Variants in ENTPD3 observed in about 807,000 individuals in gnomAD.
The protein encoded by ENTPD3 is ectonucleoside triphosphate diphosphohydrolase 3, also known as CD39 antigen-like 3.
A neutral mutation model predicts 51.2 loss-of-function variants in ENTPD3; 60 were observed. That is an observed-to-expected ratio of 1.17 (90% CI 0.95 to 1.45). The LOEUF (loss-of-function observed/expected upper bound fraction) is 1.45, where lower values mean the gene tolerates loss of function less well. Among genes scored for constraint, ENTPD3 ranks in the 40% most tolerant of loss-of-function variants. The pLI is 0.00. For synonymous variants in ENTPD3, 221 were observed against 238.4 expected (o/e 0.93, Z 0.67); for missense variants, 593 against 641.1 (o/e 0.93, Z 0.81).
At chr3:40,421,256 T>G (rs1955866386) in intron 7 of ENTPD3, among the ~76,000 whole-genome samples, 1 of 152,030 alleles carries the variant, frequency 6.6e-6, no homozygotes, top group Non-Finnish European at 1.5e-5. Flanking sequence ...ACTCCTGACC[T>G]CAAATGATCT....
Position 40,423,049 on chromosome 3 carries a change from T to G in ENTPD3, c.1031T>G (p.Phe344Cys), listed in dbSNP as rs1169645256. The G allele has an allele frequency of 4.3e-6, 7 of 1,614,146 alleles. No individual in the cohort carries two copies. Among genetic ancestry groups the G allele is most frequent in the Admixed American group, 3.3e-5 (2 of 60,014 alleles). The change falls in exon 8 of 11, where the codon TTC becomes TGC. Residue 344 changes from phenylalanine (F) to cysteine (C), a missense_variant. By Grantham distance (205) the Phe-to-Cys change is radical (BLOSUM62 -2). Transcript: ENST00000301825. ...GAGAAGGTGGCTTCCATATTTGACT[T>G]CAAAGCTTGCCATGATCAAGAAACC... ...CKEKVASIFDFKACHDQETCS... is the reference protein window; with the variant it reads ...CKEKVASIFDCKACHDQETCS...
At chr3:40,407,458 A>G (rs778131110) in intron 4 of ENTPD3, among the ~76,000 whole-genome samples, 2 of 152,200 alleles carry the variant, frequency 1.3e-5, no homozygotes, top group Non-Finnish European at 2.9e-5. Flanking sequence ...AAATATAAAA[A>G]TTATTCTTCA....
At position 40,428,173 on chromosome 3, in the gene ENTPD3, C is replaced by A. The variant is rs1956017300; in HGVS notation, c.*665C>A. On this transcript the variant is annotated 3_prime_UTR_variant, in exon 11 of 11. Transcript: ENST00000301825. Reference sequence around the variant, plus strand: ...ACTTAGGGCTCTGGTCACTAGATTGCAACCTGTGTGTTTGTCATCATCCTC... The same window carrying A: ...ACTTAGGGCTCTGGTCACTAGATTGAAACCTGTGTGTTTGTCATCATCCTC... The A allele has an allele frequency of 6.5e-6, 1 of 153,234 alleles. No homozygotes were observed. The highest frequency in any genetic ancestry group is 6.5e-5 in the Admixed American group (1 of 15,494). 9.5% of individuals were successfully genotyped at this position (153,234 alleles called of 1,614,324 possible). A position where few individuals can be genotyped will look rare whatever the true frequency, so the allele number is the denominator to read the frequency against.
chr3:40,406,118 G>T (rs1348896599), intron 4 of ENTPD3, among the ~76,000 whole-genome samples: 2 of 152,216 alleles, frequency 1.3e-5, no homozygotes, highest in African/African-American at 4.8e-5. Flanking sequence ...GCAGGAAAAA[G>T]AGAGTGATCA....
rs764176694 is a variant in ENTPD3, at chr3:40,428,581, T to C, written c.*1073T>C. The C allele has an allele frequency of 1.3e-5, 2 of 152,188 alleles. No homozygotes were observed. The highest frequency in any genetic ancestry group is 2.9e-5 in the Non-Finnish European group (2 of 68,042). 9.4% of individuals were successfully genotyped at this position (152,188 alleles called of 1,614,324 possible). On this transcript the variant is annotated 3_prime_UTR_variant, in exon 11 of 11. Coordinates refer to ENST00000301825, the MANE Select transcript of ENTPD3 (RefSeq NM_001248.4). Reference sequence around the variant, plus strand: ...AGCATTATTTCATATTGCTGTTTCTTAGCTGAATATGGAATAAAGAACTAT... The same window carrying C: ...AGCATTATTTCATATTGCTGTTTCTCAGCTGAATATGGAATAAAGAACTAT...
chr3:40,412,555 G>T (rs1955659380), intron 5 of ENTPD3, among the ~76,000 whole-genome samples: 1 of 151,708 alleles, frequency 6.6e-6, no homozygotes, highest in Non-Finnish European at 1.5e-5. Flanking sequence ...GCATTTCCTT[G>T]ACCTTGAAAT....
rs763823457 is a variant in ENTPD3, at chr3:40,427,337, T to C, written c.1419T>C (p.Ala473=). ...TCAGCCTGACCAACCAGATCCCAGCTGAAAGCCCTCTGATCCGTCTGCCCA... is the reference window on the plus strand; with the variant it reads ...TCAGCCTGACCAACCAGATCCCAGCCGAAAGCCCTCTGATCCGTCTGCCCA... ...YMLSLTNQIP[A]ESPLIRLPIE... Residue 473 remains alanine (A), a synonymous_variant, in exon 11 of 11, where the codon GCT becomes GCC. Coordinates refer to ENST00000301825, the MANE Select transcript of ENTPD3 (RefSeq NM_001248.4). 3 of 1,614,182 alleles carry C rather than the reference T, an allele frequency of 1.9e-6. No homozygotes were observed. Among genetic ancestry groups the C allele is most frequent in the Non-Finnish European group, 1.7e-6 (2 of 1,180,024 alleles).
At chr3:40,421,374 T>G (rs1452107390) in intron 7 of ENTPD3, among the ~76,000 whole-genome samples, 1 of 152,154 alleles carries the variant, frequency 6.6e-6, no homozygotes, top group East Asian at 1.9e-4. Flanking sequence ...GTGGCTTAAG[T>G]TGAACATAGT....
intron 10 of ENTPD3, among the ~76,000 whole-genome samples, chr3:40,424,320 A>G (rs191586239): frequency 6.6e-6 from 1 of 152,354 alleles, no homozygotes; most frequent in East Asian, 1.9e-4. Context: ...TGTTAAGGAT[A>G]TGAGACTTTT....
At chr3:40,401,961 G>C (rs1341585657) in intron 4 of ENTPD3, among the ~76,000 whole-genome samples, 1 of 151,294 alleles carries the variant, frequency 6.6e-6, no homozygotes, top group Non-Finnish European at 1.5e-5. Flanking sequence ...TATGTATGTA[G>C]TGTTTCTGTT....
In ENTPD3 at chr3:40,424,184, G is replaced by A. The variant is rs372834378; in HGVS notation, c.1353+221G>A. The A allele has an allele frequency of 3.9e-5, 38 of 985,318 alleles. No individual in the cohort carries two copies. The East Asian group carries it at 9.1e-4, about 24-fold the overall frequency. 61.0% of individuals were successfully genotyped at this position (985,318 alleles called of 1,614,324 possible). A position where few individuals can be genotyped will look rare whatever the true frequency, so the allele number is the denominator to read the frequency against. On this transcript the variant is annotated intron_variant, in intron 10 of 10. Transcript: ENST00000301825. The stretch of plus-strand genomic sequence containing the variant: ...TCCTGGAAAAGACTGGAAGCCAAGG[G>A]CCAATGGACTAGGCGGTCCTGGAGG...
chr3:40,421,493 A>G (rs377596685), intron 7 of ENTPD3, among the ~76,000 whole-genome samples: 2 of 152,362 alleles, frequency 1.3e-5, no homozygotes, highest in East Asian at 3.9e-4. Flanking sequence ...TTGAATAGTC[A>G]TATGGAAAAA....
chr3:40,399,136 G>A (rs925067380), intron 3 of ENTPD3, among the ~76,000 whole-genome samples: 24 of 152,210 alleles, frequency 1.6e-4, no homozygotes, highest in African/African-American at 4.3e-4. Context: ...GCTGAGAATC[G>A]ATTGAGCCTG....
chr3:40,415,771 T>C, intron 6 of ENTPD3, 69 bp from the exon 7 acceptor site: 1 of 1,251,428 alleles, frequency 8.0e-7, no homozygotes, highest in Admixed American at 1.8e-5. Flanking sequence ...GAGGCTTGGG[T>C]GGAGAACTCT....
intron 4 of ENTPD3, among the ~76,000 whole-genome samples, chr3:40,411,480 A>G (rs1384283067): frequency 6.6e-6 from 1 of 152,152 alleles, no homozygotes; most frequent in Non-Finnish European, 1.5e-5. Context: ...TGTATGGATG[A>G]AATAAGAGTC....
chr3:40,410,309 C>T (rs1179793995), intron 4 of ENTPD3, among the ~76,000 whole-genome samples: 2 of 151,984 alleles, frequency 1.3e-5, no homozygotes, highest in Admixed American at 1.3e-4. Context: ...GGCACGGTGG[C>T]ACGTGCCTGT....
chr3:40,407,907 A>T (rs951736364), intron 4 of ENTPD3, among the ~76,000 whole-genome samples: 3 of 152,126 alleles, frequency 2.0e-5, no homozygotes, highest in Non-Finnish European at 2.9e-5. Flanking sequence ...ACTAGGAAAA[A>T]CCTAGCACAC....
In ENTPD3 at chr3:40,412,064, C is replaced by T. The variant is rs981592859; in HGVS notation, c.437+102C>T. The T allele has an allele frequency of 3.1e-5, 37 of 1,193,162 alleles. 1 individual carries two copies. The Middle Eastern group carries it at 9.4e-4, about 30-fold the overall frequency. The allele number at this position is 1,193,162 out of a possible 1,614,324, so 73.9% of individuals were successfully genotyped here. On this transcript the variant is annotated intron_variant, in intron 5 of 10. Coordinates refer to ENST00000301825, the MANE Select transcript of ENTPD3 (RefSeq NM_001248.4). ...CTCTATTTCTGGGAACAACCCTCGC[C>T]CCCCAAAAAGAAGCCCACATTCTGC...
chr3:40,400,273 A>G (rs928021549), intron 3 of ENTPD3, among the ~76,000 whole-genome samples: 1 of 150,440 alleles, frequency 6.6e-6, no homozygotes, highest in African/African-American at 2.4e-5. Context: ...TCAAAAAAAA[A>G]AAAAAAAAGA....
Sources: allele counts gnomAD v4.1 joint callset (sites outside exome capture counted in the v4.1 genomes callset), GRCh38; gene constraint gnomAD v4.1.1; transcripts MANE v1.5; gene names NCBI Gene and HGNC (gene_info 2026-07-23, HGNC 2026-07-21).